PTH2R: variants seen among roughly 807,000 people sequenced by gnomAD.
PTH2R encodes the protein parathyroid hormone 2 receptor.
In PTH2R, 59 loss-of-function variants were observed where a neutral mutation model predicts 60.3. The observed-to-expected ratio is 0.98, with a 90% CI of 0.79 to 1.22. PTH2R has a LOEUF of 1.22. PTH2R is among the 50% of genes most tolerant of loss of function. The probability of loss-of-function intolerance (pLI) is 0.00; values close to 1 mark genes in which losing one functional copy is unlikely to be tolerated. For missense variants in PTH2R, 749 were observed against 682.6 expected (o/e 1.10, Z -1.08); for synonymous variants, 256 against 243.8 (o/e 1.05, Z -0.47).
chr2:208,372,612 T>C lies in PTH2R; in HGVS notation c.-259+12375T>C, dbSNP rs188038657. 1.5e-4 allele frequency among the ~76,000 whole-genome samples: 23 copies of C among 152,120 alleles called. 2 individuals are homozygous for C. Among genetic ancestry groups the C allele is most frequent in the African/African-American group, 5.3e-4 (22 of 41,410 alleles). On this transcript the variant is annotated intron_variant, in intron 1 of 12. Transcript: ENST00000617735. The stretch of plus-strand genomic sequence containing the variant: ...TACCTAATATAATAAGAGGGAGTGG[T>C]TGAATAAACTAGGGCATGTCAACTA...
At chr2:208,396,269 A>C (rs1414145321) in intron 1 of PTH2R, among the ~76,000 whole-genome samples, 12 of 152,228 alleles carry the variant, frequency 7.9e-5, no homozygotes, top group Non-Finnish European at 2.9e-5. Flanking sequence ...TTCATGACTA[A>C]AACACCAAAA....
chr2:208,478,668 TAATC>T (rs1332964383), intron 9 of PTH2R, among the ~76,000 whole-genome samples: 1 of 152,254 alleles, frequency 6.6e-6, no homozygotes, highest in Non-Finnish European at 1.5e-5. Context: ...AATCTTTTGT[TAATC>T]AATCCTGCTC....
intron 8 of PTH2R, among the ~76,000 whole-genome samples, chr2:208,452,118 A>T (rs1702418163): frequency 6.6e-6 from 1 of 152,154 alleles, no homozygotes; most frequent in Admixed American, 6.5e-5. Flanking sequence ...ACTAAATGGG[A>T]GTGTGCTGAG....
At chr2:208,454,224 A>G (rs1702464919) in intron 8 of PTH2R, among the ~76,000 whole-genome samples, 1 of 152,172 alleles carries the variant, frequency 6.6e-6, no homozygotes, top group African/African-American at 2.4e-5. Flanking sequence ...GAAAAAGTAG[A>G]AAAGCATTCA....
chr2:208,433,524 A>G (rs1482326859), intron 2 of PTH2R, among the ~76,000 whole-genome samples: 2 of 152,232 alleles, frequency 1.3e-5, no homozygotes, highest in Non-Finnish European at 2.9e-5. Context: ...CAAAAAATAA[A>G]TTAGATTAAC....
At chr2:208,362,279 A>T (rs1461508994) in intron 1 of PTH2R, among the ~76,000 whole-genome samples, 2 of 152,222 alleles carry the variant, frequency 1.3e-5, no homozygotes, top group Non-Finnish European at 2.9e-5. Flanking sequence ...TGCATATGGC[A>T]TATTGTGGGA....
intron 1 of PTH2R, among the ~76,000 whole-genome samples, chr2:208,400,839 T>A (rs1268232795): frequency 1.3e-5 from 2 of 152,226 alleles, no homozygotes; most frequent in Non-Finnish European, 1.5e-5. Flanking sequence ...ATATTTGATG[T>A]CTCAGTAAGT....
At chr2:208,463,858 G>T (rs1370374) in intron 9 of PTH2R, among the ~76,000 whole-genome samples, 82,675 of 152,108 alleles carry the variant, frequency 0.54, 24,718 homozygotes, top group Non-Finnish European at 0.65. Context: ...CAGACTCCAC[G>T]ATCCCCTAGG....
chr2:208,482,693 G>A (rs1442974392), intron 10 of PTH2R, among the ~76,000 whole-genome samples: 4 of 152,158 alleles, frequency 2.6e-5, no homozygotes, highest in Non-Finnish European at 5.9e-5. Context: ...CTAGACAACC[G>A]GTTAGACCAG....
At chr2:208,450,533 A>C (rs142306435) in intron 7 of PTH2R, among the ~76,000 whole-genome samples, 2 of 152,302 alleles carry the variant, frequency 1.3e-5, no homozygotes, top group East Asian at 3.9e-4. Context: ...TTTTATCTTC[A>C]GACTAGAGGA....
At chr2:208,477,132 A>G (rs1184913718) in intron 9 of PTH2R, among the ~76,000 whole-genome samples, 1 of 152,200 alleles carries the variant, frequency 6.6e-6, no homozygotes, top group Non-Finnish European at 1.5e-5. Flanking sequence ...TTGATTAAAC[A>G]CCAAGAACAT....
intron 2 of PTH2R, among the ~76,000 whole-genome samples, chr2:208,431,098 T>C (rs1701962919): frequency 6.6e-6 from 1 of 152,236 alleles, no homozygotes; most frequent in African/African-American, 2.4e-5. Flanking sequence ...TGTGTGTCGA[T>C]GTCTTATGTA....
chr2:208,384,394 A>G (rs374166467), intron 1 of PTH2R, among the ~76,000 whole-genome samples: 142 of 152,328 alleles, frequency 9.3e-4, no homozygotes, highest in African/African-American at 3.2e-3. Flanking sequence ...CAGTTTGAGG[A>G]GTGCTAACTA....
intron 1 of PTH2R, 32 bp downstream of exon 1, chr2:208,407,150 C>T: frequency 1.4e-6 from 2 of 1,399,986 alleles, no homozygotes; most frequent in Non-Finnish European, 1.9e-6. Flanking sequence ...CACCTGTTTT[C>T]GCGGAGCCTC....
At chr2:208,427,142 T>C (rs1701871930) in intron 1 of PTH2R, among the ~76,000 whole-genome samples, 1 of 152,166 alleles carries the variant, frequency 6.6e-6, no homozygotes, top group Non-Finnish European at 1.5e-5. Flanking sequence ...AATGTATAGT[T>C]CTGAAATTTG....
intron 9 of PTH2R, among the ~76,000 whole-genome samples, chr2:208,463,766 A>G (rs1373458777): frequency 6.6e-6 from 1 of 152,264 alleles, no homozygotes; most frequent in East Asian, 1.9e-4. Context: ...TCTGGACAGC[A>G]ATAAAGCTAA....
chr2:208,443,204 T>G lies in PTH2R; in HGVS notation c.510-144T>G, dbSNP rs1385700676. 5.1e-6 allele frequency: 3 copies of G among 591,166 alleles called. No homozygotes were observed. In the African/African-American group the frequency reaches 5.6e-5, roughly 11 times the overall value. The allele number at this position is 591,166 out of a possible 1,614,324, so 36.6% of individuals were successfully genotyped here. On this transcript the variant is annotated intron_variant, in intron 5 of 12. Transcript: ENST00000272847. The stretch of plus-strand genomic sequence containing the variant: ...ATATCATATAAAGGACTTGAGTATC[T>G]GCAGATTTTGGAATTTGTGTGGAGT...
chr2:208,423,569 A>C (rs536698991), intron 1 of PTH2R, among the ~76,000 whole-genome samples: 94 of 152,272 alleles, frequency 6.2e-4, no homozygotes, highest in Admixed American at 1.8e-3. Flanking sequence ...TGTATTCTCC[A>C]TTGCTGGGTG....
intron 1 of PTH2R, among the ~76,000 whole-genome samples, chr2:208,385,370 T>A (rs1261105094): frequency 6.6e-6 from 1 of 152,056 alleles, no homozygotes; most frequent in South Asian, 2.1e-4. Context: ...AATACCCTTG[T>A]TGCTTGTCAA....
Sources: gnomAD v4.1 joint callset for allele counts (sites outside exome capture counted in the v4.1 genomes callset) on GRCh38, gnomAD v4.1.1 for gene constraint, MANE v1.5 for transcripts, NCBI Gene and HGNC (gene_info 2026-07-23, HGNC 2026-07-21) for gene names.